Variants in ELL observed in about 807,000 individuals in gnomAD.
ELL encodes RNA polymerase II elongation factor ELL.
ELL carries 18 observed loss-of-function variants against 64.0 expected under a neutral mutation model. The ratio of observed to expected loss-of-function variants is 0.28; its 90% CI spans 0.19 to 0.42. The LOEUF is 0.42. Among genes scored for constraint, ELL ranks in the 10% least tolerant of loss-of-function variants. ELL has a pLI of 1.00. For synonymous variants in ELL, 399 were observed against 376.2 expected (o/e 1.06, Z -0.70); for missense variants, 797 against 870.4 (o/e 0.92, Z 1.06).
chr19:18,452,497 C>G lies in ELL; in HGVS notation c.870-849G>C, dbSNP rs529749331. ...CAGGCATTTGCATCCACTGGACAGG[C>G]AAGGCAGAGACAAAAGGAGGAGTGA... On this transcript the variant is annotated intron_variant, in intron 6 of 11. Transcript: ENST00000262809. 3.2e-3 allele frequency among the ~76,000 whole-genome samples: 488 copies of G among 152,326 alleles called. 2 individuals are homozygous for G. The highest frequency in any genetic ancestry group is 4.5e-3 in the Non-Finnish European group (307 of 68,028).
At chr19:18,467,355 A>G (rs1001339872) in intron 2 of ELL, among the ~76,000 whole-genome samples, 1 of 151,950 alleles carries the variant, frequency 6.6e-6, no homozygotes, top group African/African-American at 2.4e-5. Context: ...AGCCTCGAAC[A>G]TGTCCCCCTA....
rs35328461 is a variant in ELL, at chr19:18,461,806, C to A, written c.516G>T (p.Ala172=). 7.5e-3 allele frequency: 12,048 copies of A among 1,614,056 alleles called. 65 individuals are homozygous for A. The highest frequency in any genetic ancestry group is 0.022 in the African/African-American group (1,643 of 75,058). The part of the protein sequence containing the change: ...FRKPAPGATD[A]VPSRKRATPI... ...GGGTTGCCCGCTTCCGGGAGGGCAC[C>A]GCGTCTGTTGCACCTGGGGCTGGTT... Residue 172 remains alanine (A), a synonymous_variant, in exon 5 of 12, where the codon GCG becomes GCT. Transcript: ENST00000262809.
intron 1 of ELL, among the ~76,000 whole-genome samples, chr19:18,504,895 C>G (rs940203036): frequency 2.0e-5 from 3 of 152,198 alleles, no homozygotes; most frequent in Admixed American, 6.5e-5. Flanking sequence ...CCTGAGCACC[C>G]GAGGAGCCAC....
intron 8 of ELL, chr19:18,448,500 A>G (rs1974461709): frequency 6.6e-6 from 1 of 152,186 alleles, no homozygotes; most frequent in Admixed American, 6.5e-5. Context: ...CAGGGACGCA[A>G]CTCAATGGGC....
At chr19:18,488,843 G>A (rs1035094110) in intron 1 of ELL, among the ~76,000 whole-genome samples, 9 of 152,270 alleles carry the variant, frequency 5.9e-5, no homozygotes, top group Admixed American at 3.3e-4. Flanking sequence ...CCAAAATGAC[G>A]AGGCAATGGC....
intron 2 of ELL, among the ~76,000 whole-genome samples, chr19:18,470,645 C>T (rs534487073): frequency 3.5e-4 from 53 of 152,306 alleles, no homozygotes; most frequent in African/African-American, 1.3e-3. Context: ...TCTAGGGGTG[C>T]CCTGGAGGTA....
At chr19:18,511,749 T>C (rs866718724) in intron 1 of ELL, among the ~76,000 whole-genome samples, 15 of 152,036 alleles carry the variant, frequency 9.9e-5, no homozygotes, top group African/African-American at 3.4e-4. Context: ...CCAGGCACAG[T>C]GGCTCAAGCT....
chr19:18,485,733 A>ATAC (rs1360650463), intron 1 of ELL, among the ~76,000 whole-genome samples: 1 of 152,032 alleles, frequency 6.6e-6, no homozygotes, highest in African/African-American at 2.4e-5. Flanking sequence ...CACACCTGTA[A>ATAC]TCCCAGCACT....
Position 18,514,298 on chromosome 19 carries a change from G to A in ELL, c.135+7623C>T, listed in dbSNP as rs188934910. Among the ~76,000 whole-genome samples the A allele has an allele frequency of 7.4e-4, 113 of 152,000 alleles. 2 individuals carry two copies. The highest frequency in any genetic ancestry group is 2.5e-3 in the African/African-American group (102 of 41,468). ...GGAGGCCAAGGCAAGCAGATCACGA[G>A]GTCAAGAGATCGAGACCATCCTGGC... On this transcript the variant is annotated intron_variant, in intron 1 of 11. Coordinates refer to ENST00000262809, the MANE Select transcript of ELL (RefSeq NM_006532.4).
At chr19:18,495,972 A>T (rs1374734687) in intron 1 of ELL, among the ~76,000 whole-genome samples, 1 of 152,166 alleles carries the variant, frequency 6.6e-6, no homozygotes, top group African/African-American at 2.4e-5. Context: ...GTGAGCCCCT[A>T]CCCTACCTGC....
At chr19:18,454,840 C>CCAAAAAAAA (rs1974621815) in intron 6 of ELL, among the ~76,000 whole-genome samples, 1 of 56,512 alleles carries the variant, frequency 1.8e-5, no homozygotes, top group Non-Finnish European at 3.4e-5. Context: ...GACTCAGTCT[C>CCAAAAAAAA]AAAAAAAAAA....
chr19:18,454,453 C>A (rs774962612), intron 6 of ELL, among the ~76,000 whole-genome samples: 1 of 151,744 alleles, frequency 6.6e-6, no homozygotes, highest in Non-Finnish European at 1.5e-5. Context: ...GAGCCGAGAT[C>A]GCGCCACTGC....
chr19:18,451,091 A>G, intron 7 of ELL, 116 bp from the exon 8 acceptor site: 1 of 1,359,240 alleles, frequency 7.4e-7, no homozygotes, highest in Non-Finnish European at 9.5e-7. Flanking sequence ...CGCTGGCCAC[A>G]TGGGGGCGCC....
At chr19:18,476,875 A>T (rs529366302) in intron 1 of ELL, among the ~76,000 whole-genome samples, 12 of 152,332 alleles carry the variant, frequency 7.9e-5, no homozygotes, top group Non-Finnish European at 1.5e-4. Flanking sequence ...CCATTAACAG[A>T]CACGGGCACT....
chr19:18,473,592 C>T (rs1975110344), intron 1 of ELL, among the ~76,000 whole-genome samples: 1 of 152,176 alleles, frequency 6.6e-6, no homozygotes, highest in Non-Finnish European at 1.5e-5. Flanking sequence ...AAAAAATATA[C>T]AAAAGAGCTC....
chr19:18,456,175 G>A (rs1265292535), intron 6 of ELL, among the ~76,000 whole-genome samples: 14 of 152,118 alleles, frequency 9.2e-5, no homozygotes, highest in African/African-American at 3.1e-4. Flanking sequence ...TTGAGGTGGT[G>A]TGCAGTAGGA....
chr19:18,461,083 C>A (rs1974802185), intron 5 of ELL, among the ~76,000 whole-genome samples: 1 of 152,222 alleles, frequency 6.6e-6, no homozygotes, highest in African/African-American at 2.4e-5. Context: ...AGCCTCCAAC[C>A]CCAGGGAGGG....
chr19:18,493,509 A>G (rs969026004), intron 1 of ELL, among the ~76,000 whole-genome samples: 3 of 152,260 alleles, frequency 2.0e-5, no homozygotes, highest in Admixed American at 6.5e-5. Context: ...ACTGGGAGTG[A>G]GCTGCCGCAC....
At chr19:18,468,068 C>G (rs1198071480) in intron 2 of ELL, among the ~76,000 whole-genome samples, 1 of 147,690 alleles carries the variant, frequency 6.8e-6, no homozygotes, top group African/African-American at 2.5e-5. Context: ...ACACAAACCC[C>G]TCCACACCAA....
Sources: gnomAD v4.1 joint callset for allele counts (sites outside exome capture counted in the v4.1 genomes callset) on GRCh38, gnomAD v4.1.1 for gene constraint, MANE v1.5 for transcripts, NCBI Gene and HGNC (gene_info 2026-07-23, HGNC 2026-07-21) for gene names.